Variants in SVEP1 observed in about 807,000 individuals in gnomAD.
SVEP1 encodes the protein sushi, von Willebrand factor type A, EGF and pentraxin domain-containing protein 1.
Under a neutral mutation model 367.3 loss-of-function variants are expected in SVEP1, and 164 were observed. The ratio of observed to expected loss-of-function variants is 0.45; its 90% CI spans 0.39 to 0.51. The LOEUF (loss-of-function observed/expected upper bound fraction) is 0.51, where lower values mean the gene tolerates loss of function less well. Among genes scored for constraint, SVEP1 ranks in the 20% least tolerant of loss-of-function variants. The pLI is 0.00. For synonymous variants in SVEP1, 1,666 were observed against 1,611.6 expected, an observed-to-expected ratio of 1.03 and a Z score of -0.81; for missense variants, 4,117 against 4,425.3, an observed-to-expected ratio of 0.93 and a Z score of 1.98.
intron 31 of SVEP1, 68 bp from the exon 32 acceptor site, chr9:110,432,102 T>A: frequency 6.6e-7 from 1 of 1,506,456 alleles, no homozygotes; most frequent in Non-Finnish European, 8.9e-7. Context: ...CATCTGTTTT[T>A]ACTTTTAAAT....
intron 40 of SVEP1, among the ~76,000 whole-genome samples, chr9:110,398,695 C>A (rs187676461): frequency 6.6e-6 from 1 of 152,272 alleles, no homozygotes; most frequent in African/African-American, 2.4e-5. Context: ...TATGAACAGA[C>A]AGTTCTCAAA....
At chr9:110,498,963 A>T (rs1829490629) in intron 7 of SVEP1, 78 bp downstream of exon 7, 1 of 1,265,272 alleles carries the variant, frequency 7.9e-7, no homozygotes, top group Non-Finnish European at 1.1e-6. Flanking sequence ...AAAGTTGCAA[A>T]GAAGGATTGT....
chr9:110,422,783 T>C (rs1828180905), intron 36 of SVEP1, among the ~76,000 whole-genome samples: 1 of 107,552 alleles, frequency 9.3e-6, no homozygotes, highest in African/African-American at 4.0e-5. Flanking sequence ...TGGAATACTA[T>C]GCAGCCATAA....
chr9:110,375,317 G>A lies in SVEP1; in HGVS notation c.10600+51C>T, dbSNP rs1266228535. 5 of 1,460,264 alleles carry A rather than the reference G, an allele frequency of 3.4e-6. No homozygotes were observed. In the East Asian group the frequency reaches 9.9e-5, roughly 29 times the overall value. 90.5% of individuals were successfully genotyped at this position (1,460,264 alleles called of 1,614,324 possible). ...AAGTCACACTCTTCAATGTCCTCTG[G>A]AGTTTCATGGGCCTGAGCCACCAAG... On this transcript the variant is annotated intron_variant, in intron 46 of 47. Transcript: ENST00000374469.
intron 5 of SVEP1, among the ~76,000 whole-genome samples, chr9:110,505,551 TGGAGGTGA>T (rs897051433): frequency 6.6e-6 from 1 of 152,208 alleles, no homozygotes; most frequent in African/African-American, 2.4e-5. Flanking sequence ...TAACAGGGAC[TGGAGGTGA>T]GGAGGTGTCT....
intron 3 of SVEP1, among the ~76,000 whole-genome samples, chr9:110,527,113 G>C (rs1829948614): frequency 6.6e-6 from 1 of 152,034 alleles, no homozygotes; most frequent in South Asian, 2.1e-4. Context: ...GTTCTGTATT[G>C]AAACCATATC....
chr9:110,427,041 G>C (rs966995666), intron 36 of SVEP1, among the ~76,000 whole-genome samples: 3 of 152,070 alleles, frequency 2.0e-5, no homozygotes, highest in African/African-American at 7.2e-5. Flanking sequence ...GGGTGCAGTG[G>C]CTCATGTCTG....
Position 110,513,013 on chromosome 9 carries a change from A to T in SVEP1, c.1216T>A (p.Cys406Ser). Reference protein sequence around the residue: ...NHFNAACGVRCHPGFDLVGSS... With the variant: ...NHFNAACGVRSHPGFDLVGSS... ...CCCACAAGATCAAATCCAGGGTGACATCGGACCCCACAGGCTGCATTGAAG... is the reference window on the plus strand; with the variant it reads ...CCCACAAGATCAAATCCAGGGTGACTTCGGACCCCACAGGCTGCATTGAAG... Residue 406 changes from cysteine to serine, a missense_variant, in exon 5 of 48, where the codon TGT becomes AGT. Transcript: ENST00000374469. 1 of 1,614,026 alleles carries T rather than the reference A, an allele frequency of 6.2e-7. No homozygotes were observed. Among genetic ancestry groups the T allele is most frequent in the Non-Finnish European group, 8.5e-7 (1 of 1,179,888 alleles).
At chr9:110,423,584 T>C (rs1469716376) in intron 36 of SVEP1, among the ~76,000 whole-genome samples, 2 of 152,090 alleles carry the variant, frequency 1.3e-5, no homozygotes, top group Non-Finnish European at 2.9e-5. Context: ...TTAAGTATGA[T>C]CTTAGGATAT....
At chr9:110,493,997 C>T (rs1453038715) in intron 8 of SVEP1, among the ~76,000 whole-genome samples, 2 of 152,126 alleles carry the variant, frequency 1.3e-5, no homozygotes, top group Non-Finnish European at 2.9e-5. Context: ...CTCTCAAATC[C>T]TTCTGTTATA....
Position 110,503,132 on chromosome 9 carries a change from C to A in SVEP1, c.1389G>T (p.Leu463Phe), listed in dbSNP as rs939984987. The stretch of plus-strand genomic sequence containing the variant: ...GTCTGTACCCTTCATCACAGGCAAC[C>A]AAACATGTTGTCTTATATAACATTT... ...TREMLYKTTC[L>F]VACDEGYRLE... The change falls in exon 6 of 48, where the codon TTG (leucine) becomes TTT (phenylalanine). Residue 463 changes from leucine (L) to phenylalanine (F), a missense_variant. Coordinates refer to ENST00000374469, the MANE Select transcript of SVEP1 (RefSeq NM_153366.4). The A allele has an allele frequency of 1.2e-6, 2 of 1,613,154 alleles. No homozygotes were observed. Among genetic ancestry groups the A allele is most frequent in the African/African-American group, 1.3e-5 (1 of 74,888 alleles).
intron 40 of SVEP1, among the ~76,000 whole-genome samples, chr9:110,390,542 C>T (rs1564127712): frequency 6.6e-6 from 1 of 150,972 alleles, no homozygotes; most frequent in Non-Finnish European, 1.5e-5. Context: ...TCTAAAAATG[C>T]AAACCCCCAG....
At chr9:110,474,499 A>G (rs1211829736) in intron 14 of SVEP1, among the ~76,000 whole-genome samples, 2 of 152,124 alleles carry the variant, frequency 1.3e-5, no homozygotes, top group Non-Finnish European at 2.9e-5. Flanking sequence ...CCACCTGCCC[A>G]TGCTTTTTTC....
Position 110,579,393 on chromosome 9 carries a change from C to A in SVEP1, c.151G>T (p.Ala51Ser). The change falls in exon 1 of 48, where the codon GCT becomes TCT. Residue 51 changes from alanine to serine, a missense_variant. This residue lies in a region of SVEP1 where 161 missense variants were observed against 122.4 expected (regional missense o/e 1.32). Coordinates refer to ENST00000374469, the MANE Select transcript of SVEP1 (RefSeq NM_153366.4). The surrounding 1 kb of genome is among the most constrained non-coding windows in gnomAD (Gnocchi z 5.3). ...GAPGSIPAPP[A>S]PGDEAAGSRV... Reference sequence around the variant, plus strand: ...CTCCCCGCCGCTTCGTCGCCAGGAGCGGGCGGCGCGGGGATACTCCCGGGG... The same window carrying A: ...CTCCCCGCCGCTTCGTCGCCAGGAGAGGGCGGCGCGGGGATACTCCCGGGG... 2 of 1,569,142 alleles carry A rather than the reference C, an allele frequency of 1.3e-6. No homozygotes were observed. The highest frequency in any genetic ancestry group is 1.7e-6 in the Non-Finnish European group (2 of 1,158,146).
At chr9:110,387,230 GA>G (rs1827539051) in intron 42 of SVEP1, 54 bp downstream of exon 42, 1 of 1,500,128 alleles carries the variant, frequency 6.7e-7, no homozygotes, top group African/African-American at 1.4e-5. Context: ...GGATATGCGG[GA>G]AGCTAATCGT....
At chr9:110,476,599 G>C (rs1216677568) in intron 13 of SVEP1, among the ~76,000 whole-genome samples, 1 of 152,010 alleles carries the variant, frequency 6.6e-6, no homozygotes, top group African/African-American at 2.4e-5. Context: ...TCGCTATATG[G>C]CTCTTTGGAA....
chr9:110,462,151 T>C (rs1398757469), intron 18 of SVEP1, among the ~76,000 whole-genome samples: 1 of 152,092 alleles, frequency 6.6e-6, no homozygotes, highest in Non-Finnish European at 1.5e-5. Flanking sequence ...TAAACTTTTT[T>C]TACATATAAT....
At chr9:110,392,253 C>A (rs995193724) in intron 40 of SVEP1, among the ~76,000 whole-genome samples, 4 of 151,526 alleles carry the variant, frequency 2.6e-5, no homozygotes, top group African/African-American at 7.3e-5. Context: ...TCTCTATTTA[C>A]TCCCCTCTGC....
At chr9:110,564,528 A>C (rs1202729259) in intron 1 of SVEP1, among the ~76,000 whole-genome samples, 3 of 152,280 alleles carry the variant, frequency 2.0e-5, no homozygotes, top group Non-Finnish European at 4.4e-5. Context: ...GGTTGAAGAG[A>C]GATTTTTTAA....
Sources: allele counts gnomAD v4.1 joint callset (sites outside exome capture counted in the v4.1 genomes callset), GRCh38; gene constraint gnomAD v4.1.1; regional missense constraint gnomAD v4.1.1; non-coding constraint Gnocchi (gnomAD v3.1); transcripts MANE v1.5; gene names NCBI Gene and HGNC (gene_info 2026-07-23, HGNC 2026-07-21).